Variants in ATG7 observed in about 807,000 individuals in gnomAD.
ATG7 encodes ubiquitin-like modifier-activating enzyme ATG7.
ATG7 carries 70 observed loss-of-function variants against 82.4 expected under a neutral mutation model. The ratio of observed to expected loss-of-function variants is 0.85; its 90% CI spans 0.70 to 1.04. The LOEUF (loss-of-function observed/expected upper bound fraction) is 1.04, where lower values mean the gene tolerates loss of function less well. ATG7 is among the 50% of genes least tolerant of loss of function. The pLI is 0.00. For synonymous variants in ATG7, 287 were observed against 313.0 expected (o/e 0.92, Z 0.88); for missense variants, 792 against 864.3 (o/e 0.92, Z 1.05).
the ATG7 span, among the ~76,000 whole-genome samples, chr3:11,563,355 T>C: frequency 2.0e-5 from 3 of 152,222 alleles, no homozygotes; most frequent in African/African-American, 4.8e-5. Flanking sequence ...ACAATGCCTG[T>C]TGAGCTTCCC....
chr3:11,384,752 A>T (rs1335144081), intron 19 of ATG7, among the ~76,000 whole-genome samples: 2 of 152,170 alleles, frequency 1.3e-5, no homozygotes, highest in African/African-American at 2.4e-5. Flanking sequence ...CCTGAGCCTA[A>T]GAGTTTGAGA....
At chr3:11,519,175 C>T (rs920586054) in intron 20 of ATG7, among the ~76,000 whole-genome samples, 2 of 152,026 alleles carry the variant, frequency 1.3e-5, no homozygotes, top group African/African-American at 4.8e-5. Flanking sequence ...CTTTAAAAAA[C>T]AATTTTTTTT....
intron 20 of ATG7, among the ~76,000 whole-genome samples, chr3:11,494,115 T>C (rs2090620445): frequency 6.6e-6 from 1 of 152,186 alleles, no homozygotes; most frequent in Admixed American, 6.5e-5. Context: ...ACAATGACTG[T>C]TGCCAGGGAA....
chr3:11,337,486 CTCTA>C (rs1383642030), intron 11 of ATG7, among the ~76,000 whole-genome samples: 36 of 139,528 alleles, frequency 2.6e-4, no homozygotes, highest in Admixed American at 9.0e-4. Context: ...CTCTCTCTCT[CTCTA>C]TATATATATA....
intron 1 of ATG7, among the ~76,000 whole-genome samples, chr3:11,275,372 G>C (rs958754848): frequency 4.8e-5 from 7 of 144,528 alleles, no homozygotes; most frequent in African/African-American, 1.8e-4. Context: ...TTTTTGAGAT[G>C]GAGTCTCACT....
chr3:11,573,336 A>C, the ATG7 span, among the ~76,000 whole-genome samples: 22 of 77,252 alleles, frequency 2.8e-4, no homozygotes, highest in South Asian at 8.4e-4. Context: ...AGAAAGAAAG[A>C]AAGAAAGAAA....
intron 5 of ATG7, among the ~76,000 whole-genome samples, chr3:11,300,169 C>T (rs1023307705): frequency 1.3e-5 from 2 of 152,112 alleles, no homozygotes; most frequent in African/African-American, 4.8e-5. Context: ...TCAAGTGATT[C>T]GCCTGCCTTG....
chr3:11,283,561 G>A (rs1423519283), intron 3 of ATG7, among the ~76,000 whole-genome samples: 2 of 152,012 alleles, frequency 1.3e-5, no homozygotes, highest in African/African-American at 2.4e-5. Context: ...ATCCACACTC[G>A]GGTTCATCTG....
At chr3:11,286,603 T>C (rs1944085020) in intron 3 of ATG7, among the ~76,000 whole-genome samples, 1 of 139,246 alleles carries the variant, frequency 7.2e-6, no homozygotes, top group Non-Finnish European at 1.5e-5. Context: ...TTTTTTTTTT[T>C]TTTTTGAGAC....
At chr3:11,413,579 A>C (rs1390220427) in intron 19 of ATG7, among the ~76,000 whole-genome samples, 1 of 146,724 alleles carries the variant, frequency 6.8e-6, no homozygotes, top group Non-Finnish European at 1.5e-5. Flanking sequence ...ATGTCACACA[A>C]AAAACTGACT....
chr3:11,332,778 A>T, intron 10 of ATG7, 194 bp from the exon 11 acceptor site: 1 of 444,236 alleles, frequency 2.3e-6, no homozygotes, highest in Non-Finnish European at 3.6e-6. Flanking sequence ...TTCAGCCTCT[A>T]AACACTTGGA....
intron 20 of ATG7, among the ~76,000 whole-genome samples, chr3:11,428,694 T>C (rs960694622): frequency 6.6e-6 from 1 of 152,240 alleles, no homozygotes; most frequent in African/African-American, 2.4e-5. Flanking sequence ...TAAGCAATGC[T>C]GTACTGCCTG....
intron 1 of ATG7, among the ~76,000 whole-genome samples, chr3:11,276,966 C>T (rs530899435): frequency 6.6e-6 from 1 of 152,308 alleles, no homozygotes; most frequent in South Asian, 2.1e-4. Context: ...ATTCTTGAAT[C>T]TTGCCAATTC....
chr3:11,534,013 C>T (rs1417708973), intron 20 of ATG7, among the ~76,000 whole-genome samples: 1 of 152,206 alleles, frequency 6.6e-6, no homozygotes, highest in Non-Finnish European at 1.5e-5. Context: ...TCCAGAATTT[C>T]AGCACTTGTG....
intron 9 of ATG7, among the ~76,000 whole-genome samples, chr3:11,321,316 C>T (rs1219252222): frequency 3.9e-5 from 6 of 152,148 alleles, no homozygotes; most frequent in Non-Finnish European, 5.9e-5. Flanking sequence ...GTACTGTTCA[C>T]TTGTGTGTGA....
chr3:11,366,971 CTGTGTGTGTG>C lies in ATG7; in HGVS notation c.1875+2271_1875+2280del, dbSNP rs60183965. 7.3e-3 allele frequency among the ~76,000 whole-genome samples: 1,014 copies of C among 139,782 alleles called. 12 individuals are homozygous for C. Among genetic ancestry groups the C allele is most frequent in the African/African-American group, 0.023 (846 of 37,562 alleles). 91.7% of individuals were successfully genotyped at this position (139,782 alleles called of 152,430 possible). ...ATAACGCAGCCATATATGGGAAAAG[CTGTGTGTGTG>C]TGTGTGTGTGTGTGTGTGTGTGTGT... On this transcript the variant is annotated intron_variant, in intron 18 of 20. Coordinates refer to ENST00000693202, the MANE Select transcript of ATG7 (RefSeq NM_001349232.2).
intron 4 of ATG7, 48 bp from the exon 5 acceptor site, chr3:11,299,314 C>T: frequency 1.3e-6 from 2 of 1,552,056 alleles, no homozygotes; most frequent in Non-Finnish European, 1.8e-6. Context: ...GTTATGAACG[C>T]TGCTATTTCT....
intron 14 of ATG7, among the ~76,000 whole-genome samples, chr3:11,354,852 G>C (rs1340343858): frequency 4.6e-5 from 7 of 152,150 alleles, no homozygotes; most frequent in Admixed American, 4.6e-4. Context: ...GAAAGACTAT[G>C]GTCATAGGTA....
intron 20 of ATG7, among the ~76,000 whole-genome samples, chr3:11,502,868 T>C (rs1048495517): frequency 1.3e-5 from 2 of 152,182 alleles, no homozygotes; most frequent in Admixed American, 1.3e-4. Context: ...TTTTGTGCAA[T>C]AGGACAGACA....
Sources: gnomAD v4.1 joint callset for allele counts (sites outside exome capture counted in the v4.1 genomes callset) on GRCh38, gnomAD v4.1.1 for gene constraint, MANE v1.5 for transcripts, NCBI Gene and HGNC (gene_info 2026-07-23, HGNC 2026-07-21) for gene names.